The following WWC1 variants were observed in gnomAD, a reference collection of about 807,000 sequenced individuals.
WWC1 encodes protein KIBRA.
A neutral mutation model predicts 138.4 loss-of-function variants in WWC1; 55 were observed. That is an observed-to-expected ratio of 0.40 (90% CI 0.32 to 0.50). The LOEUF (loss-of-function observed/expected upper bound fraction) is 0.50, where lower values mean the gene tolerates loss of function less well. Among genes scored for constraint, WWC1 ranks in the 20% least tolerant of loss-of-function variants. The pLI, the probability that WWC1 is intolerant of heterozygous loss-of-function variation, is 0.72. For missense variants in WWC1, 1,226 were observed against 1,420.4 expected (o/e 0.86, Z 2.20); for synonymous variants, 524 against 564.9 (o/e 0.93, Z 1.03).
intron 17 of WWC1, among the ~76,000 whole-genome samples, chr5:168,451,079 TGC>T (rs1755768774): frequency 4.0e-5 from 3 of 74,564 alleles, no homozygotes; most frequent in African/African-American, 6.7e-5. Flanking sequence ...CTCGGCTCAC[TGC>T]AATCTCGGCT....
intron 21 of WWC1, among the ~76,000 whole-genome samples, chr5:168,466,518 C>A (rs1047772456): frequency 6.6e-6 from 1 of 152,178 alleles, no homozygotes; most frequent in African/African-American, 2.4e-5. Flanking sequence ...GGTGGTGATG[C>A]CCTAGGGCAG....
chr5:168,291,687 C>G lies in WWC1; in HGVS notation c.-466C>G, dbSNP rs1011561049. 6.5e-6 allele frequency: 1 copy of G among 152,758 alleles called. No homozygotes were observed. The highest frequency in any genetic ancestry group is 1.5e-5 in the Non-Finnish European group (1 of 68,038). 9.5% of individuals were successfully genotyped at this position (152,758 alleles called of 1,614,324 possible). On this transcript the variant is annotated 5_prime_UTR_variant, in exon 1 of 23. Coordinates refer to ENST00000265293, the MANE Select transcript of WWC1 (RefSeq NM_015238.3). ...GTTACCTGCACCGCCCGAGCCGCAC[C>G]TGGCGGAGGCAGAAGTCACAAACCC...
intron 5 of WWC1, 133 bp downstream of exon 5, chr5:168,399,700 G>A (rs1779168923): frequency 6.6e-6 from 6 of 903,040 alleles, no homozygotes; most frequent in South Asian, 5.0e-5. Flanking sequence ...TTCAATTCAA[G>A]TTCTGTTCCA....
intron 17 of WWC1, among the ~76,000 whole-genome samples, chr5:168,446,232 TAAA>T (rs60746695): frequency 5.8e-3 from 340 of 58,740 alleles, no homozygotes; most frequent in East Asian, 0.013. Flanking sequence ...CTCCCATTAT[TAAA>T]AAAAAAAAAA....
chr5:168,425,193 C>T (rs564569632), intron 11 of WWC1, among the ~76,000 whole-genome samples: 2 of 152,138 alleles, frequency 1.3e-5, no homozygotes, highest in Admixed American at 1.3e-4. Context: ...CCCCGGAACC[C>T]AACCCCCTTA....
chr5:168,469,195 C>A lies in WWC1; in HGVS notation c.*178C>A. Reference sequence around the variant, plus strand: ...CCTACTGTTGTTATTAAAAACAGAACAAAAACAAAACACACACACACACAA... The same window carrying A: ...CCTACTGTTGTTATTAAAAACAGAAAAAAAACAAAACACACACACACACAA... On this transcript the variant is annotated 3_prime_UTR_variant, in exon 23 of 23. Transcript: ENST00000265293. 2.2e-5 allele frequency: 13 copies of A among 582,242 alleles called. No individual in the cohort carries two copies. Among genetic ancestry groups the A allele is most frequent in the South Asian group, 2.5e-5 (1 of 39,516 alleles). 36.1% of individuals were successfully genotyped at this position (582,242 alleles called of 1,614,324 possible). A position where few individuals can be genotyped will look rare whatever the true frequency, so the allele number is the denominator to read the frequency against.
Position 168,371,512 on chromosome 5 carries a change from T to G in WWC1, c.208T>G (p.Tyr70Asp). 1 of 1,613,974 alleles carries G rather than the reference T, an allele frequency of 6.2e-7. No homozygotes were observed. Among genetic ancestry groups the G allele is most frequent in the Non-Finnish European group, 8.5e-7 (1 of 1,179,894 alleles). ...EEAYDPQVGDYFIDHNTKTTQ... is the reference protein window; with the variant it reads ...EEAYDPQVGDDFIDHNTKTTQ... ...GGCATATGACCCACAGGTTGGAGATTACTTCATAGACCACAACACCAGTAA... is the reference window on the plus strand; with the variant it reads ...GGCATATGACCCACAGGTTGGAGATGACTTCATAGACCACAACACCAGTAA... The change falls in exon 2 of 23, where the codon TAC becomes GAC. Residue 70 changes from tyrosine to aspartate, a missense_variant. Tyr to Asp is a radical substitution (Grantham distance 160). This residue lies in a region of WWC1 where 1,016 missense variants were observed against 1,153.9 expected (regional missense o/e 0.88). Coordinates refer to ENST00000265293, the MANE Select transcript of WWC1 (RefSeq NM_015238.3).
At chr5:168,414,232 T>C in intron 8 of WWC1, 116 bp from the exon 9 acceptor site, 1 of 1,434,044 alleles carries the variant, frequency 7.0e-7, no homozygotes, top group Non-Finnish European at 9.3e-7. Flanking sequence ...GACAAGCTGA[T>C]CAAAGGAAGA....
intron 1 of WWC1, among the ~76,000 whole-genome samples, chr5:168,329,947 T>G (rs1772886582): frequency 6.6e-6 from 1 of 151,894 alleles, no homozygotes; most frequent in Admixed American, 6.6e-5. Flanking sequence ...CTGTCTCTAC[T>G]GAAAATACAA....
Position 168,371,475 on chromosome 5 carries a change from A to G in WWC1, c.171A>G (p.Leu57=). 1 of 1,614,138 alleles carries G rather than the reference A, an allele frequency of 6.2e-7. No individual in the cohort carries two copies. The highest frequency in any genetic ancestry group is 1.1e-5 in the South Asian group (1 of 91,074). The change falls in exon 2 of 23, where the codon CTA becomes CTG. Residue 57 remains leucine (L), a synonymous_variant. Coordinates refer to ENST00000265293, the MANE Select transcript of WWC1 (RefSeq NM_015238.3). ...FADCISDELP[L]GWEEAYDPQV... is the part of the protein sequence containing the mutation. Reference sequence around the variant, plus strand: ...ACTGCATTAGTGATGAGTTGCCGCTAGGATGGGAAGAGGCATATGACCCAC... The same window carrying G: ...ACTGCATTAGTGATGAGTTGCCGCTGGGATGGGAAGAGGCATATGACCCAC...
At chr5:168,402,543 G>A (rs1190126210) in intron 5 of WWC1, among the ~76,000 whole-genome samples, 2 of 152,170 alleles carry the variant, frequency 1.3e-5, no homozygotes, top group Non-Finnish European at 2.9e-5. Context: ...AAGGGAACTC[G>A]GATGAACTCT....
intron 1 of WWC1, among the ~76,000 whole-genome samples, chr5:168,363,539 A>AAAAG (rs1421959080): frequency 6.6e-6 from 1 of 151,220 alleles, no homozygotes; most frequent in African/African-American, 2.4e-5. Context: ...AAAAAAAAAA[A>AAAAG]AAAAAAAAGA....
chr5:168,340,474 G>C (rs1280480041), intron 1 of WWC1, among the ~76,000 whole-genome samples: 1 of 152,058 alleles, frequency 6.6e-6, no homozygotes, highest in Non-Finnish European at 1.5e-5. Flanking sequence ...GCACCACTTA[G>C]CAGTCATCCC....
At chr5:168,411,376 A>C (rs1443260855) in intron 8 of WWC1, among the ~76,000 whole-genome samples, 1 of 152,198 alleles carries the variant, frequency 6.6e-6, no homozygotes, top group African/African-American at 2.4e-5. Context: ...GGCCAGGTGA[A>C]GCATGGCAGT....
intron 7 of WWC1, among the ~76,000 whole-genome samples, chr5:168,408,942 A>G (rs1313333006): frequency 1.3e-5 from 2 of 152,058 alleles, no homozygotes; most frequent in Non-Finnish European, 2.9e-5. Flanking sequence ...AAGCATGTTT[A>G]AAGGACAAAA....
intron 1 of WWC1, among the ~76,000 whole-genome samples, chr5:168,357,606 A>G (rs1399624508): frequency 2.0e-5 from 3 of 152,034 alleles, no homozygotes; most frequent in African/African-American, 7.2e-5. Context: ...AATGCCCAGA[A>G]GTCATCCTCG....
chr5:168,348,000 A>C (rs146450901), intron 1 of WWC1, among the ~76,000 whole-genome samples: 6 of 152,206 alleles, frequency 3.9e-5, no homozygotes, highest in African/African-American at 1.2e-4. Context: ...AGGAGATGGC[A>C]GTGTGACTAT....
chr5:168,423,794 A>T lies in WWC1; in HGVS notation c.1536A>T (p.Ala512=). ...ATGAGGTGGCCAAGACCCAGAAGGC[A>T]GAGGGAGGTGGCCGCCTGCAGGCTC... The part of the protein sequence containing the change: ...HEDEVAKTQK[A]EGGGRLQALR... Residue 512 remains alanine (A), a synonymous_variant, in exon 11 of 23, where the codon GCA becomes GCT. Coordinates refer to ENST00000265293, the MANE Select transcript of WWC1 (RefSeq NM_015238.3). The T allele has an allele frequency of 3.1e-6, 5 of 1,614,160 alleles. No individual in the cohort carries two copies. Among genetic ancestry groups the T allele is most frequent in the Non-Finnish European group, 4.2e-6 (5 of 1,180,024 alleles).
At chr5:168,450,566 T>G (rs1255239019) in intron 17 of WWC1, among the ~76,000 whole-genome samples, 3 of 152,092 alleles carry the variant, frequency 2.0e-5, no homozygotes, top group African/African-American at 7.2e-5. Flanking sequence ...CTCGGGAGGC[T>G]GAGGCGGGAG....
Sources: gnomAD v4.1 joint callset for allele counts (sites outside exome capture counted in the v4.1 genomes callset) on GRCh38, gnomAD v4.1.1 for gene constraint, gnomAD v4.1.1 regional missense constraint, MANE v1.5 for transcripts, NCBI Gene and HGNC (gene_info 2026-07-23, HGNC 2026-07-21) for gene names.